TCF25: variants seen among roughly 807,000 people sequenced by gnomAD.
The protein encoded by TCF25 is TCF25 ribosome quality control complex subunit.
A neutral mutation model predicts 83.1 loss-of-function variants in TCF25; 41 were observed. That is an observed-to-expected ratio of 0.49 (90% CI 0.38 to 0.64). The LOEUF is 0.64. Ranked by LOEUF, TCF25 falls within the 30% of genes least tolerant of loss-of-function variation. The pLI, the probability that TCF25 is intolerant of heterozygous loss-of-function variation, is 0.00. For synonymous variants in TCF25, 458 were observed against 365.0 expected (o/e 1.25, Z -2.90); for missense variants, 979 against 914.5 (o/e 1.07, Z -0.91).
chr16:89,889,358 A>G (rs1461230127), intron 5 of TCF25: 5 of 286,284 alleles, frequency 1.7e-5, no homozygotes, highest in Non-Finnish European at 3.3e-5. Context: ...TTTATTTTTT[A>G]TAGAAACAAG....
At position 89,875,606 on chromosome 16, in the gene TCF25, T is replaced by G. The variant is rs993039873; in HGVS notation, c.192+1747T>G. Among the ~76,000 whole-genome samples, 9 of 137,442 alleles carry G rather than the reference T, an allele frequency of 6.5e-5. No individual in the cohort carries two copies. In the East Asian group the frequency reaches 2.2e-3, roughly 33 times the overall value. 90.2% of individuals were successfully genotyped at this position (137,442 alleles called of 152,430 possible). A position where few individuals can be genotyped will look rare whatever the true frequency, so the allele number is the denominator to read the frequency against. On this transcript the variant is annotated intron_variant, in intron 1 of 17. Transcript: ENST00000263346. Reference sequence around the variant, plus strand: ...GGCATGATCTCGGCTCACTGCAAGCTCCGCCTCCTGGGTTCACGCCATTCT... The same window carrying G: ...GGCATGATCTCGGCTCACTGCAAGCGCCGCCTCCTGGGTTCACGCCATTCT...
chr16:89,873,816 G>A lies in TCF25; in HGVS notation c.149G>A (p.Gly50Asp), dbSNP rs1432572133. 1.3e-6 allele frequency: 2 copies of A among 1,592,812 alleles called. No individual in the cohort carries two copies. The highest frequency in any genetic ancestry group is 1.1e-5 in the South Asian group (1 of 88,608). The change falls in exon 1 of 18, where the codon GGC becomes GAC. Residue 50 changes from glycine (G) to aspartate (D), a missense_variant. By Grantham distance (94) the Gly-to-Asp change is moderately conservative (BLOSUM62 -1). Coordinates refer to ENST00000263346, the MANE Select transcript of TCF25 (RefSeq NM_014972.3). ...GAGCTTGGTGTCCGGCGTCCCGGGG[G>A]CGCAGGGAAGGAGGGCGTCCGAGTC... Reference protein sequence around the residue: ...KRELGVRRPGGAGKEGVRVNN... With the variant: ...KRELGVRRPGDAGKEGVRVNN...
At position 89,873,605 on chromosome 16, in the gene TCF25, C is replaced by T. The variant is rs2041916107; in HGVS notation, c.-63C>T. ...CCCGCGCGAAGAGTGCGCAGGCGCG[C>T]CGACAGCCGAGTTTTCTGCGCTTCC... On this transcript the variant is annotated 5_prime_UTR_variant, in exon 1 of 18. Coordinates refer to ENST00000263346, the MANE Select transcript of TCF25 (RefSeq NM_014972.3). 4 of 1,363,702 alleles carry T rather than the reference C, an allele frequency of 2.9e-6. No individual in the cohort carries two copies. The Admixed American group carries it at 9.7e-5, about 33-fold the overall frequency. The allele number at this position is 1,363,702 out of a possible 1,614,324, so 84.5% of individuals were successfully genotyped here. A position where few individuals can be genotyped will look rare whatever the true frequency, so the allele number is the denominator to read the frequency against.
chr16:89,900,294 G>A (rs1225482000), intron 11 of TCF25, among the ~76,000 whole-genome samples: 1 of 152,174 alleles, frequency 6.6e-6, no homozygotes, highest in Non-Finnish European at 1.5e-5. Context: ...GCGGGGGTGG[G>A]CTGCTCTCGT....
intron 6 of TCF25, among the ~76,000 whole-genome samples, chr16:89,893,400 G>T (rs112542492): frequency 3.2e-4 from 49 of 152,334 alleles, no homozygotes; most frequent in African/African-American, 1.1e-3. Context: ...GCTCGGCGTG[G>T]TCAGATCTGG....
intron 1 of TCF25, among the ~76,000 whole-genome samples, chr16:89,878,202 C>T (rs954490333): frequency 9.2e-5 from 14 of 152,136 alleles, no homozygotes; most frequent in African/African-American, 3.4e-4. Flanking sequence ...ATGGCTTGAA[C>T]CCAGGAGGTC....
chr16:89,910,722 G>C, intron 17 of TCF25, 59 bp downstream of exon 17: 1 of 1,560,504 alleles, frequency 6.4e-7, no homozygotes, highest in Non-Finnish European at 8.8e-7. Flanking sequence ...ATCCATTCCA[G>C]TGCGAATGCC....
chr16:89,873,911 G>A, intron 1 of TCF25, 52 bp downstream of exon 1: 1 of 1,460,390 alleles, frequency 6.8e-7, no homozygotes, highest in Non-Finnish European at 9.1e-7. Flanking sequence ...GACGTTGTGG[G>A]GCGGGGCGAG....
rs765160503 is a variant in TCF25, at chr16:89,885,873, G to A, written c.455G>A (p.Arg152His). Residue 152 changes from arginine to histidine, a missense_variant, in exon 4 of 18, where the codon CGC becomes CAC. Arg to His is a conservative substitution (Grantham distance 29). Coordinates refer to ENST00000263346, the MANE Select transcript of TCF25 (RefSeq NM_014972.3). Reference sequence around the variant, plus strand: ...GAAAACGGACTAGAAGATATCGATCGCATCCTAGAGAGGATTGAGGACAGC... The same window carrying A: ...GAAAACGGACTAGAAGATATCGATCACATCCTAGAGAGGATTGAGGACAGC... ...ASENGLEDID[R>H]ILERIEDSTG... 19 of 1,613,002 alleles carry A rather than the reference G, an allele frequency of 1.2e-5. No homozygotes were observed. The highest frequency in any genetic ancestry group is 7.7e-5 in the South Asian group (7 of 91,080).
chr16:89,880,802 C>G (rs1455177305), intron 1 of TCF25, among the ~76,000 whole-genome samples: 2 of 95,042 alleles, frequency 2.1e-5, no homozygotes, highest in Non-Finnish European at 4.6e-5. Context: ...GGTGTAGATC[C>G]AATTTACCAG....
chr16:89,903,979 C>G lies in TCF25; in HGVS notation c.1382-139C>G, dbSNP rs368563775. ...ACTCAGAATACCACCCGGAAGCAAG[C>G]CGCTGGCCCTGCAGACTCTCCACCT... is the stretch of plus-strand genomic sequence containing the variant. On this transcript the variant is annotated intron_variant, in intron 12 of 17. Coordinates refer to ENST00000263346, the MANE Select transcript of TCF25 (RefSeq NM_014972.3). 154 of 815,626 alleles carry G rather than the reference C, an allele frequency of 1.9e-4. 3 individuals carry two copies. The highest frequency in any genetic ancestry group is 1.2e-3 in the East Asian group (44 of 36,508). 50.5% of individuals were successfully genotyped at this position (815,626 alleles called of 1,614,324 possible). A position where few individuals can be genotyped will look rare whatever the true frequency, so the allele number is the denominator to read the frequency against.
intron 1 of TCF25, among the ~76,000 whole-genome samples, chr16:89,876,513 C>G (rs1346602898): frequency 1.3e-5 from 2 of 152,184 alleles, no homozygotes; most frequent in African/African-American, 2.4e-5. Flanking sequence ...ATCCTTCCGC[C>G]TTGGCCTCCC....
rs1212407866 is a variant in TCF25 at position 89,887,686 on chromosome 16, T to G, written c.583T>G (p.Phe195Val). 1 of 1,589,994 alleles carries G rather than the reference T, an allele frequency of 6.3e-7. No homozygotes were observed. Among genetic ancestry groups the G allele is most frequent in the Non-Finnish European group, 8.5e-7 (1 of 1,172,886 alleles). ...TCCAGACACAGAACTGAAAAGGTAT[T>G]TTGGTGCCCGGGCAATCCTGGGGGA... ...LNPDTELKRY[F>V]GARAILGEQR... The change falls in exon 5 of 18, where the codon TTT (phenylalanine) becomes GTT (valine). Residue 195 changes from phenylalanine to valine, a missense_variant. Transcript: ENST00000263346.
In TCF25 at chr16:89,907,298, T is replaced by G; in HGVS notation, c.1775T>G (p.Ile592Ser). 6.2e-7 allele frequency: 1 copy of G among 1,601,596 alleles called. No homozygotes were observed. Among genetic ancestry groups the G allele is most frequent in the Non-Finnish European group, 8.5e-7 (1 of 1,173,766 alleles). Reference sequence around the variant, plus strand: ...GATCCTCTGCCTCCTTCGGACACAATCTACTCCTACGTCAGGCCAGAGAGG... The same window carrying G: ...GATCCTCTGCCTCCTTCGGACACAAGCTACTCCTACGTCAGGCCAGAGAGG... Reference protein sequence around the residue: ...GFDPLPPSDTIYSYVRPERLS... With the variant: ...GFDPLPPSDTSYSYVRPERLS... The change falls in exon 16 of 18, where the codon ATC (isoleucine) becomes AGC (serine). Residue 592 changes from isoleucine to serine, a missense_variant. By Grantham distance (142) the Ile-to-Ser change is moderately radical. Transcript: ENST00000263346.
At chr16:89,901,525 C>T (rs1332804945) in intron 12 of TCF25, among the ~76,000 whole-genome samples, 1 of 135,544 alleles carries the variant, frequency 7.4e-6, no homozygotes, top group African/African-American at 2.7e-5. Context: ...GTGGGCGGAT[C>T]ACGAGGTCAG....
chr16:89,906,282 C>A lies in TCF25; in HGVS notation c.1717C>A (p.Pro573Thr), dbSNP rs1256995246. Residue 573 changes from proline to threonine, a missense_variant and splice_region_variant, in exon 15 of 18, where the codon CCG becomes ACG. Transcript: ENST00000263346. The part of the protein sequence containing the change: ...EIKEAVAALP[P>T]DVTTQSVMGF... ...CAAGGAAGCCGTCGCTGCCCTGCCC[C>A]CGGTAAGGGAGAAAGGCTGAAATGG... The A allele has an allele frequency of 6.2e-7, 1 of 1,612,766 alleles. No individual in the cohort carries two copies. Among genetic ancestry groups the A allele is most frequent in the Non-Finnish European group, 8.5e-7 (1 of 1,179,894 alleles).
intron 17 of TCF25, 78 bp downstream of exon 17, chr16:89,910,741 C>T: frequency 6.7e-7 from 1 of 1,489,900 alleles, no homozygotes. Context: ...CCTGGAGCCT[C>T]CTTGAACCAG....
At chr16:89,877,382 T>G (rs1454007655) in intron 1 of TCF25, among the ~76,000 whole-genome samples, 1 of 152,174 alleles carries the variant, frequency 6.6e-6, no homozygotes, top group Non-Finnish European at 1.5e-5. Context: ...TTTTTCAATT[T>G]TTTTTGAAAG....
In TCF25 at chr16:89,873,946, G is replaced by A. The variant is rs961709778; in HGVS notation, c.192+87G>A. ...GCGTCCAGCCGGGTCGGGGAGCGGG[G>A]TTGTGATGCCAGGGGTGGGAAGGGT... On this transcript the variant is annotated intron_variant, in intron 1 of 17. Transcript: ENST00000263346. The A allele has an allele frequency of 1.7e-5, 23 of 1,373,270 alleles. No individual in the cohort carries two copies. The South Asian group carries it at 2.6e-4, about 16-fold the overall frequency. 85.1% of individuals were successfully genotyped at this position (1,373,270 alleles called of 1,614,324 possible).
Sources: allele counts gnomAD v4.1 joint callset (sites outside exome capture counted in the v4.1 genomes callset), GRCh38; gene constraint gnomAD v4.1.1; transcripts MANE v1.5; gene names NCBI Gene and HGNC (gene_info 2026-07-23, HGNC 2026-07-21).